CDH4: variants seen among roughly 807,000 people sequenced by gnomAD.
CDH4 encodes cadherin 4.
A neutral mutation model predicts 86.0 loss-of-function variants in CDH4; 33 were observed. The observed-to-expected ratio is 0.38, with a 90% CI of 0.29 to 0.51. CDH4 has a LOEUF of 0.51. Among genes scored for constraint, CDH4 ranks in the 20% least tolerant of loss-of-function variants. The probability of loss-of-function intolerance (pLI) is 0.86; values close to 1 mark genes in which losing one functional copy is unlikely to be tolerated. For synonymous variants in CDH4, 555 were observed against 549.4 expected (o/e 1.01, Z -0.14); for missense variants, 1,114 against 1,307.4 (o/e 0.85, Z 2.28).
chr20:61,271,227 A>C (rs2084181387), intron 2 of CDH4, among the ~76,000 whole-genome samples: 1 of 152,156 alleles, frequency 6.6e-6, no homozygotes, highest in Non-Finnish European at 1.5e-5. Context: ...CCATGGCCCC[A>C]TCTCATCTGC....
At chr20:61,254,794 A>T in intron 1 of CDH4, 32 bp from the exon 2 acceptor site, 1 of 1,297,320 alleles carries the variant, frequency 7.7e-7, no homozygotes. Flanking sequence ...CTGTGAACTT[A>T]TTGTTTTACA....
chr20:61,360,692 G>C (rs1264007686), intron 2 of CDH4, among the ~76,000 whole-genome samples: 1 of 152,168 alleles, frequency 6.6e-6, no homozygotes, highest in Non-Finnish European at 1.5e-5. Flanking sequence ...GTTCCACTCT[G>C]AACCTGATAT....
At chr20:61,302,413 G>T (rs1227422120) in intron 2 of CDH4, among the ~76,000 whole-genome samples, 1 of 152,184 alleles carries the variant, frequency 6.6e-6, no homozygotes, top group African/African-American at 2.4e-5. Context: ...CAAGCTTAAC[G>T]CCTAACTTCA....
At chr20:61,496,776 C>G (rs564552295) in intron 2 of CDH4, among the ~76,000 whole-genome samples, 72 of 152,326 alleles carry the variant, frequency 4.7e-4, no homozygotes, top group African/African-American at 1.6e-3. Flanking sequence ...GATTTCTTCA[C>G]TATGGTTTTG....
chr20:61,761,620 G>A (rs6142680), intron 3 of CDH4, among the ~76,000 whole-genome samples: 21,698 of 152,214 alleles, frequency 0.14, 1,679 homozygotes, highest in Non-Finnish European at 0.16. Context: ...GCCAACACCC[G>A]GGAGCCTGAG....
intron 2 of CDH4, among the ~76,000 whole-genome samples, chr20:61,716,604 C>T (rs879373420): frequency 2.6e-5 from 4 of 152,190 alleles, no homozygotes; most frequent in South Asian, 2.1e-4. Flanking sequence ...CAAAGCCCTT[C>T]GCTTCATCTA....
chr20:61,538,384 C>G (rs1449898454), intron 2 of CDH4, among the ~76,000 whole-genome samples: 1 of 152,138 alleles, frequency 6.6e-6, no homozygotes, highest in Non-Finnish European at 1.5e-5. Context: ...AAGAGGTTTA[C>G]TCACAGACAG....
chr20:61,811,658 T>C lies in CDH4; in HGVS notation c.577-33010T>C, dbSNP rs561870379. Among the ~76,000 whole-genome samples, 3 of 148,532 alleles carry C rather than the reference T, an allele frequency of 2.0e-5. No homozygotes were observed. Among genetic ancestry groups the C allele is most frequent in the East Asian group, 4.0e-4 (2 of 5,038 alleles). ...GGGGTCACGCCCCTGCCACCCGGGG[T>C]CACGCCCCTGGCTGCCTACTGAGCT... On this transcript the variant is annotated intron_variant, in intron 4 of 15. Coordinates refer to ENST00000614565, the MANE Select transcript of CDH4 (RefSeq NM_001794.5). The surrounding 1 kb of genome is among the most constrained non-coding windows in gnomAD (Gnocchi z 4.4).
chr20:61,853,016 G>C, intron 6 of CDH4, 118 bp downstream of exon 6: 2 of 1,057,022 alleles, frequency 1.9e-6, no homozygotes, highest in Non-Finnish European at 2.7e-6. Context: ...CACGGGACTT[G>C]GGCGCAGACA....
At chr20:61,731,597 A>G (rs2088187940) in intron 2 of CDH4, among the ~76,000 whole-genome samples, 1 of 152,198 alleles carries the variant, frequency 6.6e-6, no homozygotes, top group Non-Finnish European at 1.5e-5. Flanking sequence ...AGGCAGCTGC[A>G]TGTTTGTAGA....
chr20:61,719,019 C>G (rs932173555), intron 2 of CDH4: 25 of 471,096 alleles, frequency 5.3e-5, no homozygotes, highest in African/African-American at 4.8e-4. Flanking sequence ...ACGAGTGGCT[C>G]TAAGTGTGAT....
At chr20:61,765,129 T>C (rs1395155801) in intron 3 of CDH4, among the ~76,000 whole-genome samples, 1 of 152,118 alleles carries the variant, frequency 6.6e-6, no homozygotes, top group African/African-American at 2.4e-5. Flanking sequence ...GAAATGGCCC[T>C]GTCCCTGCTC....
chr20:61,440,296 A>T (rs1163399208), intron 2 of CDH4, among the ~76,000 whole-genome samples: 1 of 152,204 alleles, frequency 6.6e-6, no homozygotes, highest in Non-Finnish European at 1.5e-5. Flanking sequence ...GAACACCTTC[A>T]GGATATTAGT....
At chr20:61,755,304 C>T (rs1052584663) in intron 3 of CDH4, among the ~76,000 whole-genome samples, 1 of 151,238 alleles carries the variant, frequency 6.6e-6, no homozygotes, top group African/African-American at 2.4e-5. Context: ...ACACACCACA[C>T]ACACAGTGCA....
chr20:61,434,143 A>C (rs2085266838), intron 2 of CDH4, among the ~76,000 whole-genome samples: 1 of 152,200 alleles, frequency 6.6e-6, no homozygotes, highest in South Asian at 2.1e-4. Flanking sequence ...TCACAGGTCA[A>C]ATCAGCCAGT....
intron 4 of CDH4, among the ~76,000 whole-genome samples, chr20:61,839,304 A>G (rs112270245): frequency 0.018 from 2,740 of 151,524 alleles, 75 homozygotes; most frequent in African/African-American, 0.06. Context: ...GTGTGTGTGT[A>G]TTGTGTTCTG....
intron 2 of CDH4, among the ~76,000 whole-genome samples, chr20:61,257,509 G>A (rs867023855): frequency 2.6e-5 from 4 of 152,330 alleles, no homozygotes; most frequent in South Asian, 2.1e-4. Context: ...GGAGCCTTCC[G>A]AGACGCCGCT....
chr20:61,844,577 G>A, intron 4 of CDH4, 91 bp from the exon 5 acceptor site: 5 of 1,260,682 alleles, frequency 4.0e-6, no homozygotes, highest in East Asian at 2.4e-5. Flanking sequence ...CGAGCTCGAG[G>A]AACTCATGAG....
chr20:61,737,304 G>T (rs1247788811), intron 2 of CDH4, among the ~76,000 whole-genome samples: 1 of 152,142 alleles, frequency 6.6e-6, no homozygotes, highest in African/African-American at 2.4e-5. Flanking sequence ...CCAGCGGTAT[G>T]GGGCCAGGTT....
Sources: allele counts gnomAD v4.1 joint callset (sites outside exome capture counted in the v4.1 genomes callset), GRCh38; gene constraint gnomAD v4.1.1; non-coding constraint Gnocchi (gnomAD v3.1); transcripts MANE v1.5; gene names NCBI Gene and HGNC (gene_info 2026-07-23, HGNC 2026-07-21).